The following PCYT2 variants were observed in gnomAD, a reference collection of about 807,000 sequenced individuals.
PCYT2 encodes the protein ethanolamine-phosphate cytidylyltransferase.
PCYT2 carries 33 observed loss-of-function variants against 50.0 expected under a neutral mutation model. The observed-to-expected ratio is 0.66, with a 90% CI of 0.50 to 0.88. PCYT2 has a LOEUF of 0.88. Ranked by LOEUF, PCYT2 falls within the 40% of genes least tolerant of loss-of-function variation. The pLI is 0.00. For missense variants in PCYT2, 430 were observed against 519.7 expected (o/e 0.83, Z 1.68); for synonymous variants, 240 against 203.7 (o/e 1.18, Z -1.52).
In PCYT2 at chr17:81,906,063, C is replaced by G. The variant is rs748054824; in HGVS notation, c.837+37G>C. 1.9e-6 allele frequency: 3 copies of G among 1,563,444 alleles called. No homozygotes were observed. The South Asian group carries it at 3.5e-5, about 18-fold the overall frequency. ...AGTAGGGGGGATGTTGTGGGAATGT[C>G]TCCCCATCCTTGGGCTGGCTCCTGG... On this transcript the variant is annotated intron_variant, in intron 9 of 12. Transcript: ENST00000538936.
Position 81,905,365 on chromosome 17 carries a change from G to C in PCYT2, c.969+17C>G. On this transcript the variant is annotated intron_variant, in intron 11 of 12. Transcript: ENST00000538936. ...CAATGGCAACCCCTGTGCCCAGCAA[G>C]GGCCAGCATGACCCACCTGGTATGG... 2.6e-6 allele frequency: 4 copies of C among 1,552,700 alleles called. No homozygotes were observed. The highest frequency in any genetic ancestry group is 3.5e-6 in the Non-Finnish European group (4 of 1,147,498).
intron 1 of PCYT2, chr17:81,910,905 A>G (rs771096287): frequency 7.1e-6 from 7 of 987,732 alleles, no homozygotes; most frequent in Non-Finnish European, 8.4e-6. Flanking sequence ...GCCCACCTAC[A>G]GGGACGCTCG....
chr17:81,910,672 C>T (rs1460895307), intron 1 of PCYT2, among the ~76,000 whole-genome samples: 8 of 152,380 alleles, frequency 5.3e-5, no homozygotes, highest in East Asian at 1.9e-4. Context: ...CAGATAGAGG[C>T]GCTTGCTTCC....
In PCYT2 at chr17:81,902,245, G is replaced by A; in HGVS notation, c.*2588C>T. The A allele has an allele frequency of 8.1e-7, 1 of 1,229,326 alleles. No homozygotes were observed. The allele number at this position is 1,229,326 out of a possible 1,614,324, so 76.2% of individuals were successfully genotyped here. A position where few individuals can be genotyped will look rare whatever the true frequency, so the allele number is the denominator to read the frequency against. Reference sequence around the variant, plus strand: ...CCAGGCGGTGGCTGCTCCGAGCCCGGACGCCGCCGCCCACCAGTCAGCCGG... The same window carrying A: ...CCAGGCGGTGGCTGCTCCGAGCCCGAACGCCGCCGCCCACCAGTCAGCCGG... On this transcript the variant is annotated 3_prime_UTR_variant, in exon 13 of 13. Coordinates refer to ENST00000538936, the MANE Select transcript of PCYT2 (RefSeq NM_002861.5).
chr17:81,907,101 CTT>C, intron 6 of PCYT2: 1 of 1,152,014 alleles, frequency 8.7e-7, no homozygotes, highest in South Asian at 1.5e-5. Context: ...GCAGACACCA[CTT>C]CAGCCCAGCA....
Position 81,906,351 on chromosome 17 carries a change from G to A in PCYT2, c.759+113C>T, listed in dbSNP as rs181771247. 2.2e-5 allele frequency: 27 copies of A among 1,207,108 alleles called. No homozygotes were observed. In the Admixed American group the frequency reaches 5.1e-4, roughly 23 times the overall value. 74.8% of individuals were successfully genotyped at this position (1,207,108 alleles called of 1,614,324 possible). A position where few individuals can be genotyped will look rare whatever the true frequency, so the allele number is the denominator to read the frequency against. On this transcript the variant is annotated intron_variant, in intron 8 of 12. Transcript: ENST00000538936. ...CTACGATCACCCCCCAGGGTCTCCT[G>A]TGACTTCACCTGGGGCCCCTTCCCA...
chr17:81,907,386 G>C, intron 6 of PCYT2, 168 bp downstream of exon 6: 1 of 1,172,996 alleles, frequency 8.5e-7, no homozygotes, highest in Non-Finnish European at 1.2e-6. Flanking sequence ...CTCCCTCCCA[G>C]CATCCACCAG....
In PCYT2 at chr17:81,902,375, G is replaced by T; in HGVS notation, c.*2458C>A. The stretch of plus-strand genomic sequence containing the variant: ...TGGTACAAGCCAGCGGCGGGGCACA[G>T]CTCCTACTCGGTGGGCCGCGCCGCG... On this transcript the variant is annotated 3_prime_UTR_variant, in exon 13 of 13. Coordinates refer to ENST00000538936, the MANE Select transcript of PCYT2 (RefSeq NM_002861.5). 7.4e-7 allele frequency: 1 copy of T among 1,342,924 alleles called. No individual in the cohort carries two copies. The highest frequency in any genetic ancestry group is 9.5e-7 in the Non-Finnish European group (1 of 1,054,412). The allele number at this position is 1,342,924 out of a possible 1,614,324, so 83.2% of individuals were successfully genotyped here.
In PCYT2 at chr17:81,903,061, A is replaced by T; in HGVS notation, c.*1772T>A. On this transcript the variant is annotated 3_prime_UTR_variant, in exon 13 of 13. Transcript: ENST00000538936. ...TTCAGACCCAGGGGCGAAGCTGGCC[A>T]CGACCCAGCCCCGCGGTGAAGCCGC... 1 of 384,850 alleles carries T rather than the reference A, an allele frequency of 2.6e-6. No homozygotes were observed. Among genetic ancestry groups the T allele is most frequent in the Non-Finnish European group, 4.6e-6 (1 of 215,636 alleles). 23.8% of individuals were successfully genotyped at this position (384,850 alleles called of 1,614,324 possible).
Position 81,909,499 on chromosome 17 carries a change from G to C in PCYT2, c.178+15C>G. The C allele has an allele frequency of 6.2e-7, 1 of 1,605,608 alleles. No individual in the cohort carries two copies. The highest frequency in any genetic ancestry group is 8.5e-7 in the Non-Finnish European group (1 of 1,172,960). On this transcript the variant is annotated intron_variant, in intron 2 of 12. Coordinates refer to ENST00000538936, the MANE Select transcript of PCYT2 (RefSeq NM_002861.5). ...GGCTGGGGGGCCGCGGGTGGGCGAG[G>C]CCATCTGTGCTTACCATCGGTGTGC...
chr17:81,909,250 G>GC, intron 2 of PCYT2: 1 of 1,430,192 alleles, frequency 7.0e-7, no homozygotes, highest in Admixed American at 2.9e-5. Context: ...CTTCTGACGA[G>GC]CAGGTGCTCA....
intron 1 of PCYT2, 37 bp downstream of exon 1, chr17:81,911,205 GCGGCGCCCCGGAAGGAAGCCGGCCC>G (rs2040586393): frequency 6.9e-6 from 7 of 1,020,524 alleles, no homozygotes; most frequent in African/African-American, 1.7e-5. Flanking sequence ...AACGGCTGGC[GCGGCGCCCCGGAAGGAAGCCGGCCC>G]CGGCGCCCCC....
In PCYT2 at chr17:81,904,095, C is replaced by T. The variant is rs188188136; in HGVS notation, c.*738G>A. ...GGGGGTGGCCCCAGGCTTTGGAGGG[C>T]TGGAGGCCTGGGTTTCACTCACTGC... On this transcript the variant is annotated 3_prime_UTR_variant, in exon 13 of 13. Transcript: ENST00000538936. 3 of 152,456 alleles carry T rather than the reference C, an allele frequency of 2.0e-5. No homozygotes were observed. Among genetic ancestry groups the T allele is most frequent in the Admixed American group, 2.0e-4 (3 of 15,308 alleles). 9.4% of individuals were successfully genotyped at this position (152,456 alleles called of 1,614,324 possible). A position where few individuals can be genotyped will look rare whatever the true frequency, so the allele number is the denominator to read the frequency against.
Position 81,903,115 on chromosome 17 carries a change from TGCAGGGCCACG to T in PCYT2, c.*1707_*1717del. 1 of 263,526 alleles carries T rather than the reference TGCAGGGCCACG, an allele frequency of 3.8e-6. No homozygotes were observed. The highest frequency in any genetic ancestry group is 7.2e-6 in the Non-Finnish European group (1 of 139,764). The allele number at this position is 263,526 out of a possible 1,614,324, so 16.3% of individuals were successfully genotyped here. A position where few individuals can be genotyped will look rare whatever the true frequency, so the allele number is the denominator to read the frequency against. On this transcript the variant is annotated 3_prime_UTR_variant, in exon 13 of 13. Coordinates refer to ENST00000538936, the MANE Select transcript of PCYT2 (RefSeq NM_002861.5). Reference sequence around the variant, plus strand: ...TAGCCTTGGTGCTCCCTGGGGGAAGTGCAGGGCCACGGCTGGCCCGGTTCCCAGTGTCCTCC... The same window carrying T: ...TAGCCTTGGTGCTCCCTGGGGGAAGTGCTGGCCCGGTTCCCAGTGTCCTCC...
intron 6 of PCYT2, chr17:81,907,348 G>T: frequency 7.5e-7 from 1 of 1,330,626 alleles, no homozygotes; most frequent in Non-Finnish European, 1.0e-6. Context: ...TGCCGTGACC[G>T]GCCAGCCGGT....
rs371158296 is a variant in PCYT2, at chr17:81,902,792, C to T, written c.*2041G>A. 1.8e-4 allele frequency: 284 copies of T among 1,555,838 alleles called. No homozygotes were observed. Among genetic ancestry groups the T allele is most frequent in the Non-Finnish European group, 2.3e-4 (268 of 1,153,850 alleles). On this transcript the variant is annotated 3_prime_UTR_variant, in exon 13 of 13. Coordinates refer to ENST00000538936, the MANE Select transcript of PCYT2 (RefSeq NM_002861.5). The stretch of plus-strand genomic sequence containing the variant: ...ACCGCTGGGGGCCCCCCGCCCCCAC[C>T]GTCCCACTCGGTGACCCCAGGCCCC...
In PCYT2 at chr17:81,909,161, C is replaced by T. The variant is rs375949194; in HGVS notation, c.179-124G>A. 420 of 1,492,844 alleles carry T rather than the reference C, an allele frequency of 2.8e-4. 7 individuals carry two copies. The South Asian group carries it at 5.3e-3, about 19-fold the overall frequency. The allele number at this position is 1,492,844 out of a possible 1,614,324, so 92.5% of individuals were successfully genotyped here. ...CCGGTGGGGGCAGGCTGTCTCTCTA[C>T]CCTGGCCCTTAGCCCACTAGTGCTG... On this transcript the variant is annotated intron_variant, in intron 2 of 12. Transcript: ENST00000538936.
At chr17:81,909,664 G>A in intron 1 of PCYT2, 62 bp from the exon 2 acceptor site, 2 of 1,298,734 alleles carry the variant, frequency 1.5e-6, no homozygotes, top group South Asian at 2.4e-5. Context: ...TGTCCCTGTG[G>A]GTTAGGGGCA....
In PCYT2 at chr17:81,906,749, C is replaced by G; in HGVS notation, c.676+11G>C. 6.2e-7 allele frequency: 1 copy of G among 1,612,046 alleles called. No individual in the cohort carries two copies. Among genetic ancestry groups the G allele is most frequent in the Non-Finnish European group, 8.5e-7 (1 of 1,179,338 alleles). On this transcript the variant is annotated intron_variant, in intron 7 of 12. Transcript: ENST00000538936. ...GCACATGTAGGGGAGCAGCAGAGGC[C>G]CAGAGGATACGGAACAGGTCGAAGG...
Sources: gnomAD v4.1 joint callset for allele counts (sites outside exome capture counted in the v4.1 genomes callset) on GRCh38, gnomAD v4.1.1 for gene constraint, MANE v1.5 for transcripts, NCBI Gene and HGNC (gene_info 2026-07-23, HGNC 2026-07-21) for gene names.